Variants in SPRY2 observed in about 807,000 individuals in gnomAD.
The protein encoded by SPRY2 is sprouty RTK signaling antagonist 2, also known as protein sprouty homolog 2.
SPRY2 carries 10 observed loss-of-function variants against 23.4 expected under a neutral mutation model. The ratio of observed to expected loss-of-function variants is 0.43; its 90% CI spans 0.26 to 0.73. SPRY2 has a LOEUF of 0.73. SPRY2 is among the 30% of genes least tolerant of loss of function. The probability of loss-of-function intolerance (pLI) is 0.22; values close to 1 mark genes in which losing one functional copy is unlikely to be tolerated. For synonymous variants in SPRY2, 170 were observed against 156.9 expected (o/e 1.08, Z -0.62); for missense variants, 344 against 396.9 (o/e 0.87, Z 1.13).
At chr13:80,339,922 G>A (rs567739719) in intron 1 of SPRY2, among the ~76,000 whole-genome samples, 27 of 152,330 alleles carry the variant, frequency 1.8e-4, no homozygotes, top group Admixed American at 5.2e-4. Flanking sequence ...GTCAGCCCGA[G>A]CTTCCAAAAA....
At chr13:80,340,364 C>G (rs879837826) in intron 1 of SPRY2, among the ~76,000 whole-genome samples, 2 of 152,264 alleles carry the variant, frequency 1.3e-5, no homozygotes, top group Non-Finnish European at 2.9e-5. Context: ...CCCCCTAGAG[C>G]GCGGGCGCGC....
In SPRY2 at chr13:80,336,872, C is replaced by G; in HGVS notation, c.834G>C (p.Leu278Phe). ...CYLPAKGCLK[L>F]CQGCYDRVNR... ...TAACCCGGTCATAACACCCCTGGCA[C>G]AATTTAAGGCAACCCTTGGCTGGAA... is the stretch of plus-strand genomic sequence containing the variant. The change falls in exon 2 of 2, where the codon TTG becomes TTC. Residue 278 changes from leucine (L) to phenylalanine (F), a missense_variant. Physicochemically the swap from Leu to Phe is conservative, Grantham distance 22 (BLOSUM62 0). Coordinates refer to ENST00000377104, the MANE Select transcript of SPRY2 (RefSeq NM_005842.4). The G allele has an allele frequency of 6.2e-7, 1 of 1,614,122 alleles. No homozygotes were observed. The highest frequency in any genetic ancestry group is 8.5e-7 in the Non-Finnish European group (1 of 1,180,042).
In SPRY2 at chr13:80,337,409, G is replaced by C. The variant is rs149109550; in HGVS notation, c.297C>G (p.Val99=). 4 of 1,614,158 alleles carry C rather than the reference G, an allele frequency of 2.5e-6. No individual in the cohort carries two copies. In the Admixed American group the frequency reaches 5.0e-5, roughly 20 times the overall value. The stretch of plus-strand genomic sequence containing the variant: ...ACAGAGGGGCTCGTGCAGAAGAATG[G>C]ACCTGCGAGTGCTGGAGCCTAGGAG... ...RQPPRLQHSQ[V]HSSARAPLSR... is the part of the protein sequence containing the mutation. Residue 99 remains valine, a synonymous_variant, in exon 2 of 2, where the codon GTC becomes GTG. Coordinates refer to ENST00000377104, the MANE Select transcript of SPRY2 (RefSeq NM_005842.4).
At position 80,339,980 on chromosome 13, in the gene SPRY2, G is replaced by C. The variant is rs116994696; in HGVS notation, c.-52+642C>G. ...GACCACGAAGAACGGAAGAGAGAGA[G>C]CTGCACTTCCGAACCGCAGAGACCC... On this transcript the variant is annotated intron_variant, in intron 1 of 1. Transcript: ENST00000377104. 4.0e-3 allele frequency among the ~76,000 whole-genome samples: 611 copies of C among 152,308 alleles called. 18 individuals carry two copies. The East Asian group carries it at 0.081, about 20-fold the overall frequency.
chr13:80,338,087 A>T, intron 1 of SPRY2, among the ~76,000 whole-genome samples: 1 of 152,256 alleles, frequency 6.6e-6, no homozygotes, highest in Non-Finnish European at 1.5e-5. Flanking sequence ...GCTGGAATAT[A>T]ACACTGCTAC....
rs1324111769 is a variant in SPRY2, at chr13:80,336,122, TAA to T, written c.*634_*635del. On this transcript the variant is annotated 3_prime_UTR_variant, in exon 2 of 2. Coordinates refer to ENST00000377104, the MANE Select transcript of SPRY2 (RefSeq NM_005842.4). ...ATAAATATTCTTTTTTATAAAATAA[TAA>T]AACTTCAAATAAATATTCTTTACAC... 6.6e-6 allele frequency: 1 copy of T among 152,190 alleles called. No individual in the cohort carries two copies. Among genetic ancestry groups the T allele is most frequent in the East Asian group, 1.9e-4 (1 of 5,202 alleles). The allele number at this position is 152,190 out of a possible 1,614,324, so 9.4% of individuals were successfully genotyped here.
At chr13:80,337,786 A>G (rs1041327090) in intron 1 of SPRY2, 30 bp from the exon 2 acceptor site, 3 of 1,214,366 alleles carry the variant, frequency 2.5e-6, no homozygotes, top group East Asian at 2.5e-5. Context: ...AGAACGGTTG[A>G]TACTCTAAGA....
rs1461700832 is a variant in SPRY2 at position 80,336,748 on chromosome 13, AT to A, written c.*9del. On this transcript the variant is annotated 3_prime_UTR_variant, in exon 2 of 2. Coordinates refer to ENST00000377104, the MANE Select transcript of SPRY2 (RefSeq NM_005842.4). Reference sequence around the variant, plus strand: ...AATCCTCATTACTGTAATATTCCTGATTAATGATGCTATGTTGGTTTTTCAA... The same window carrying A: ...AATCCTCATTACTGTAATATTCCTGATAATGATGCTATGTTGGTTTTTCAA... 1 of 1,612,420 alleles carries A rather than the reference AT, an allele frequency of 6.2e-7. No individual in the cohort carries two copies.
chr13:80,336,845 G>A lies in SPRY2; in HGVS notation c.861C>T (p.Asn287=). 1 of 1,614,182 alleles carries A rather than the reference G, an allele frequency of 6.2e-7. No homozygotes were observed. Among genetic ancestry groups the A allele is most frequent in the Non-Finnish European group, 8.5e-7 (1 of 1,180,046 alleles). Reference sequence around the variant, plus strand: ...AGTTTTTACAGCGGCAACCAGGCCTGTTAACCCGGTCATAACACCCCTGGC... The same window carrying A: ...AGTTTTTACAGCGGCAACCAGGCCTATTAACCCGGTCATAACACCCCTGGC... ...KLCQGCYDRV[N]RPGCRCKNSN... is the part of the protein sequence containing the mutation. The change falls in exon 2 of 2, where the codon AAC becomes AAT. Residue 287 remains asparagine, a synonymous_variant. Coordinates refer to ENST00000377104, the MANE Select transcript of SPRY2 (RefSeq NM_005842.4).
chr13:80,339,353 A>G (rs972224588), intron 1 of SPRY2: 2 of 151,694 alleles, frequency 1.3e-5, no homozygotes, highest in African/African-American at 4.9e-5. Context: ...TAATCTGCAC[A>G]CGCCTATCTC....
In SPRY2 at chr13:80,337,243, T is replaced by G. The variant is rs764325903; in HGVS notation, c.463A>C (p.Lys155Gln). The G allele has an allele frequency of 1.2e-6, 2 of 1,612,018 alleles. No homozygotes were observed. Among genetic ancestry groups the G allele is most frequent in the South Asian group, 1.1e-5 (1 of 91,074 alleles). Reference protein sequence around the residue: ...VADGIIRVQPKSELKPGELKP... With the variant: ...VADGIIRVQPQSELKPGELKP... ...AGCTCACCTGGCTTGAGCTCAGATT[T>G]GGGTTGCACCCGGATTATGCCATCA... The change falls in exon 2 of 2, where the codon AAA becomes CAA. Residue 155 changes from lysine (K) to glutamine (Q), a missense_variant. By Grantham distance (53) the Lys-to-Gln change is moderately conservative. Transcript: ENST00000377104.
chr13:80,339,301 ACG>A (rs1880415355), intron 1 of SPRY2: 1 of 152,044 alleles, frequency 6.6e-6, no homozygotes, highest in South Asian at 2.1e-4. Context: ...CCACGCACAC[ACG>A]GCGACTCCAC....
At position 80,337,528 on chromosome 13, in the gene SPRY2, T is replaced by C. The variant is rs138802158; in HGVS notation, c.178A>G (p.Thr60Ala). 2.5e-6 allele frequency: 4 copies of C among 1,614,014 alleles called. No homozygotes were observed. The highest frequency in any genetic ancestry group is 2.7e-5 in the African/African-American group (2 of 74,898). ...RNTNEYTEGP[T>A]VVPRPGLKPA... ...TTGAGCCCAGGTCTTGGGACGACAG[T>C]AGGCCCCTCTGTGTACTCATTGGTG... Residue 60 changes from threonine to alanine, a missense_variant, in exon 2 of 2, where the codon ACT becomes GCT. Physicochemically the swap from Thr to Ala is moderately conservative, Grantham distance 58. Transcript: ENST00000377104.
At position 80,336,685 on chromosome 13, in the gene SPRY2, T is replaced by C. The variant is rs1397474924; in HGVS notation, c.*73A>G. 6.5e-6 allele frequency: 9 copies of C among 1,378,038 alleles called. No individual in the cohort carries two copies. The Admixed American group carries it at 1.8e-4, about 27-fold the overall frequency. 85.4% of individuals were successfully genotyped at this position (1,378,038 alleles called of 1,614,324 possible). On this transcript the variant is annotated 3_prime_UTR_variant, in exon 2 of 2. Transcript: ENST00000377104. ...TAACAGTGCCAAGATTATAACTGTT[T>C]AGTTGGTTGCATATGTGTATTAAAA... is the stretch of plus-strand genomic sequence containing the variant.
intron 1 of SPRY2, among the ~76,000 whole-genome samples, chr13:80,340,005 C>T (rs1319912706): frequency 1.3e-5 from 2 of 152,208 alleles, no homozygotes; most frequent in South Asian, 2.1e-4. Context: ...CGCAGAGACC[C>T]GGCGCCAGGC....
chr13:80,338,538 T>C (rs552911278), intron 1 of SPRY2, among the ~76,000 whole-genome samples: 1 of 152,364 alleles, frequency 6.6e-6, no homozygotes, highest in South Asian at 2.1e-4. Flanking sequence ...TAAAAGGTTG[T>C]TCTCCCTGCT....
At chr13:80,339,569 T>G (rs886375676) in intron 1 of SPRY2, 1 of 152,126 alleles carries the variant, frequency 6.6e-6, no homozygotes, top group Non-Finnish European at 1.5e-5. Context: ...TGTTTTTATT[T>G]TTTAAGTGAT....
chr13:80,337,407 T>G lies in SPRY2; in HGVS notation c.299A>C (p.His100Pro). The G allele has an allele frequency of 6.2e-7, 1 of 1,614,110 alleles. No homozygotes were observed. The highest frequency in any genetic ancestry group is 8.5e-7 in the Non-Finnish European group (1 of 1,180,022). ...GGACAGAGGGGCTCGTGCAGAAGAA[T>G]GGACCTGCGAGTGCTGGAGCCTAGG... ...QPPRLQHSQV[H>P]SSARAPLSRS... The change falls in exon 2 of 2, where the codon CAT becomes CCT. Residue 100 changes from histidine to proline, a missense_variant. Transcript: ENST00000377104.
At position 80,337,129 on chromosome 13, in the gene SPRY2, T is replaced by G; in HGVS notation, c.577A>C (p.Arg193=). ...CAGATCCAGTCTGATGGCAGAGGCC[T>G]TGGGTAGGTGCACTCCTTACATTTG... ...KCKCKECTYP[R]PLPSDWICDK... The change falls in exon 2 of 2, where the codon AGG becomes CGG. Residue 193 remains arginine (R), a synonymous_variant. Transcript: ENST00000377104. The G allele has an allele frequency of 6.2e-7, 1 of 1,614,212 alleles. No individual in the cohort carries two copies. Among genetic ancestry groups the G allele is most frequent in the Non-Finnish European group, 8.5e-7 (1 of 1,180,034 alleles).
Sources: allele counts gnomAD v4.1 joint callset (sites outside exome capture counted in the v4.1 genomes callset), GRCh38; gene constraint gnomAD v4.1.1; transcripts MANE v1.5; gene names NCBI Gene and HGNC (gene_info 2026-07-23, HGNC 2026-07-21).